TENM1: variants seen among roughly 807,000 people sequenced by gnomAD.
TENM1 encodes teneurin-1.
TENM1 carries 35 observed loss-of-function variants against 174.8 expected under a neutral mutation model. The observed-to-expected ratio is 0.20, with a 90% CI of 0.15 to 0.27. TENM1 has a LOEUF of 0.27. TENM1 is among the 10% of genes least tolerant of loss of function. The probability of loss-of-function intolerance (pLI) is 1.00; values close to 1 mark genes in which losing one functional copy is unlikely to be tolerated. For missense variants in TENM1, 1,633 were observed against 2,130.1 expected, an observed-to-expected ratio of 0.77 and a Z score of 4.59; for synonymous variants, 781 against 798.7, an observed-to-expected ratio of 0.98 and a Z score of 0.37.
chrX:125,163,969 T>A, the TENM1 span, among the ~76,000 whole-genome samples: 3 of 111,673 alleles, frequency 2.7e-5, no homozygotes, highest in Non-Finnish European at 5.7e-5. Flanking sequence ...AAAAGCCAAA[T>A]TTTTAGGTAA....
intron 3 of TENM1, among the ~76,000 whole-genome samples, chrX:124,771,168 CAA>C (rs1156830625): frequency 8.9e-6 from 1 of 112,201 alleles, no homozygotes; most frequent in Non-Finnish European, 1.9e-5. Flanking sequence ...GTGAGTGAAA[CAA>C]TGTGTTATTA....
chrX:124,529,470 G>C (rs1213583232), intron 16 of TENM1, among the ~76,000 whole-genome samples: 3 of 111,699 alleles, frequency 2.7e-5, no homozygotes, highest in Middle Eastern at 4.6e-3. Flanking sequence ...TAATGTGGTG[G>C]AATTCTGTAC....
At chrX:124,585,087 G>T (rs1456397315) in intron 11 of TENM1, among the ~76,000 whole-genome samples, 1 of 108,653 alleles carries the variant, frequency 9.2e-6, no homozygotes, top group Non-Finnish European at 1.9e-5. Flanking sequence ...AATAATAATG[G>T]GAGACTTTAA....
At chrX:125,008,763 A>C in the TENM1 span, among the ~76,000 whole-genome samples, 2 of 112,220 alleles carry the variant, frequency 1.8e-5, no homozygotes, top group East Asian at 5.6e-4. Context: ...GAAATTGAAC[A>C]ACCGGCTCCT....
At chrX:124,994,949 G>T in the TENM1 span, among the ~76,000 whole-genome samples, 1 of 110,865 alleles carries the variant, frequency 9.0e-6, no homozygotes, top group East Asian at 2.8e-4. Flanking sequence ...TTTAATGTTC[G>T]TAAAGGCCCT....
chrX:125,063,441 C>T, the TENM1 span, among the ~76,000 whole-genome samples: 5 of 111,487 alleles, frequency 4.5e-5, no homozygotes, highest in Non-Finnish European at 9.4e-5. Context: ...CCAGAATCTA[C>T]AATGACTCAA....
At chrX:124,382,572 T>TA (rs1191052206) in intron 31 of TENM1, 98 bp downstream of exon 34, 18 of 855,670 alleles carry the variant, frequency 2.1e-5, no homozygotes, top group Non-Finnish European at 2.8e-5. Context: ...TCAAGAAGAC[T>TA]AAAAAATCAG....
the TENM1 span, among the ~76,000 whole-genome samples, chrX:125,046,841 TGTGTGTGTGTGCATGC>T: frequency 2.0e-5 from 2 of 98,846 alleles, no homozygotes; most frequent in Admixed American, 1.2e-4. Flanking sequence ...TGTGCATGTG[TGTGTGTGTGTGCATGC>T]GTGTGTGTGT....
chrX:124,936,701 A>C (rs768761116), intron 1 of TENM1, among the ~76,000 whole-genome samples: 2 of 112,133 alleles, frequency 1.8e-5, no homozygotes, highest in South Asian at 7.4e-4. Context: ...TTAATCACAG[A>C]GGTACAATCT....
At chrX:125,028,830 G>A in the TENM1 span, among the ~76,000 whole-genome samples, 1 of 111,333 alleles carries the variant, frequency 9.0e-6, no homozygotes, top group Non-Finnish European at 1.9e-5. Flanking sequence ...AGGGAAGAAT[G>A]GCATGGGGGG....
At chrX:125,002,157 G>C in the TENM1 span, among the ~76,000 whole-genome samples, 2 of 111,478 alleles carry the variant, frequency 1.8e-5, no homozygotes, top group African/African-American at 3.3e-5. Context: ...TCAGCACCTA[G>C]TGCCTGGAAT....
chrX:124,732,985 G>GTC (rs1165629801), intron 4 of TENM1, among the ~76,000 whole-genome samples: 1 of 111,779 alleles, frequency 8.9e-6, no homozygotes, highest in Admixed American at 9.5e-5. Flanking sequence ...CAACCTGAAT[G>GTC]TCTCTGGCTT....
At chrX:124,461,415 C>T (rs938312256) in intron 22 of TENM1, among the ~76,000 whole-genome samples, 6 of 111,433 alleles carry the variant, frequency 5.4e-5, no homozygotes, top group African/African-American at 1.6e-4. Flanking sequence ...TAGAAAATAA[C>T]GGAAATCAGT....
chrX:124,754,964 G>A (rs1331986297), intron 3 of TENM1, among the ~76,000 whole-genome samples: 1 of 104,809 alleles, frequency 9.5e-6, no homozygotes, highest in African/African-American at 3.8e-5. Context: ...TGTATATTCT[G>A]TTGATTTGGG....
the TENM1 span, among the ~76,000 whole-genome samples, chrX:124,987,318 G>A: frequency 9.0e-6 from 1 of 111,025 alleles, no homozygotes; most frequent in Admixed American, 9.6e-5. Flanking sequence ...CCCTAATTAA[G>A]TAATACAAAA....
At chrX:124,514,928 A>G (rs1239742545) in intron 18 of TENM1, among the ~76,000 whole-genome samples, 1 of 110,639 alleles carries the variant, frequency 9.0e-6, no homozygotes, top group Non-Finnish European at 1.9e-5. Context: ...TCCCTGATGA[A>G]TATTGATGCA....
chrX:124,783,902 C>G (rs2054977280), intron 3 of TENM1, among the ~76,000 whole-genome samples: 2 of 111,395 alleles, frequency 1.8e-5, no homozygotes, highest in Admixed American at 9.5e-5. Context: ...GAATGCACCC[C>G]ATATTCTGTA....
chrX:124,600,026 A>G (rs998843566), intron 11 of TENM1, among the ~76,000 whole-genome samples: 16 of 109,187 alleles, frequency 1.5e-4, no homozygotes, highest in Admixed American at 4.9e-4. Flanking sequence ...GTATATATAT[A>G]TGTGTGTGTG....
chrX:124,533,090 G>A (rs2048140685), intron 15 of TENM1, among the ~76,000 whole-genome samples: 1 of 112,177 alleles, frequency 8.9e-6, no homozygotes. Flanking sequence ...GCTCTTGAGT[G>A]TACTTGCTTT....
Sources: gnomAD v4.1 joint callset for allele counts (sites outside exome capture counted in the v4.1 genomes callset) on GRCh38, gnomAD v4.1.1 for gene constraint, MANE v1.5 for transcripts, NCBI Gene and HGNC (gene_info 2026-07-23, HGNC 2026-07-21) for gene names.